DNM1L: variants seen among roughly 807,000 people sequenced by gnomAD.
DNM1L encodes the protein dynamin-1-like protein.
DNM1L carries 33 observed loss-of-function variants against 92.8 expected under a neutral mutation model. The observed-to-expected ratio is 0.36, with a 90% confidence interval of 0.27 to 0.48. The LOEUF (loss-of-function observed/expected upper bound fraction) is 0.48. Among genes scored for constraint, DNM1L ranks in the 20% least tolerant of loss-of-function variants. The probability of loss-of-function intolerance (pLI) is 0.99; values close to 1 mark genes in which losing one functional copy is unlikely to be tolerated. For synonymous variants in DNM1L, 284 were observed against 305.0 expected, an observed-to-expected ratio of 0.93 and a Z score of 0.72; for missense variants, 485 against 888.8, an observed-to-expected ratio of 0.55 and a Z score of 5.78.
chr12:32,731,803 T>TA lies in DNM1L; in HGVS notation c.1357-41dup, dbSNP rs371431671. 0.014 allele frequency: 15,660 copies of TA among 1,099,852 alleles called. No individual in the cohort carries two copies. Among genetic ancestry groups the TA allele is most frequent in the Non-Finnish European group, 0.017 (12,978 of 776,114 alleles). 68.1% of individuals were successfully genotyped at this position (1,099,852 alleles called of 1,614,324 possible). On this transcript the variant is annotated intron_variant, in intron 11 of 19. Transcript: ENST00000549701. This position sits in a 1 kb window ranked among gnomAD's most constrained non-coding sequence, Gnocchi z 5.1. ...AGGATGGCTTAGTGAGACTATGACT[T>TA]AAAAAAAAAACAAAAAACAAACACG...
At chr12:32,713,929 T>A (rs559612498) in intron 6 of DNM1L, among the ~76,000 whole-genome samples, 74 of 152,310 alleles carry the variant, frequency 4.9e-4, no homozygotes, top group African/African-American at 1.7e-3. Context: ...GCACAGGGGA[T>A]TTTTAGAAAT....
At chr12:32,710,384 A>G (rs1285086176) in intron 4 of DNM1L, among the ~76,000 whole-genome samples, 1 of 152,202 alleles carries the variant, frequency 6.6e-6, no homozygotes, top group Non-Finnish European at 1.5e-5. Flanking sequence ...ATTCAGCACT[A>G]AATCTATTAA....
chr12:32,727,340 T>C (rs375466554), intron 9 of DNM1L: 3 of 798,642 alleles, frequency 3.8e-6, no homozygotes, highest in East Asian at 4.8e-5. Flanking sequence ...CTCTTTTAAC[T>C]ACCCTAGCTA....
intron 2 of DNM1L, chr12:32,705,864 G>C: frequency 6.3e-7 from 1 of 1,597,722 alleles, no homozygotes; most frequent in Non-Finnish European, 8.5e-7. Flanking sequence ...CTTTCTAAAG[G>C]TTTCCTTTAT....
chr12:32,710,875 T>C, intron 4 of DNM1L, 54 bp from the exon 5 acceptor site: 1 of 1,360,730 alleles, frequency 7.3e-7, no homozygotes, highest in Non-Finnish European at 1.0e-6. Context: ...TGAAATGAAG[T>C]TTATTACTTC....
At chr12:32,706,772 A>G (rs1237556432) in intron 2 of DNM1L, 1 of 445,800 alleles carries the variant, frequency 2.2e-6, no homozygotes, top group Non-Finnish European at 4.5e-6. Context: ...CTCTATAATA[A>G]TGAGAGAGCT....
intron 9 of DNM1L, chr12:32,722,875 T>TA (rs1292008713): frequency 4.7e-5 from 8 of 171,774 alleles, no homozygotes; most frequent in African/African-American, 1.7e-4. Flanking sequence ...AGTATTTACT[T>TA]ATTTTTATAA....
chr12:32,693,762 C>T (rs12371996), intron 1 of DNM1L, among the ~76,000 whole-genome samples: 21,500 of 151,960 alleles, frequency 0.14, 1,565 homozygotes, highest in Middle Eastern at 0.19. Flanking sequence ...CTAAGCCTCC[C>T]GAGCAGCTGG....
chr12:32,690,103 A>T (rs1952176846), intron 1 of DNM1L, among the ~76,000 whole-genome samples: 1 of 152,232 alleles, frequency 6.6e-6, no homozygotes, highest in Non-Finnish European at 1.5e-5. Context: ...AAGAACCCAG[A>T]CATGGGATGT....
intron 1 of DNM1L, among the ~76,000 whole-genome samples, chr12:32,696,313 T>G (rs1592581165): frequency 6.6e-6 from 1 of 150,890 alleles, no homozygotes; most frequent in Non-Finnish European, 1.5e-5. Flanking sequence ...AAGGTGGGGG[T>G]ATCGCTTGAG....
In DNM1L at chr12:32,740,098, T is replaced by C; in HGVS notation, c.1742T>C (p.Val581Ala). 1 of 1,614,156 alleles carries C rather than the reference T, an allele frequency of 6.2e-7. No individual in the cohort carries two copies. Among genetic ancestry groups the C allele is most frequent in the Non-Finnish European group, 8.5e-7 (1 of 1,180,018 alleles). ...ASGGGGVGDG[V>A]QEPTTGNWRG... ...GGAGGTGGTGGGGTTGGAGATGGTG[T>C]TCAAGAACCAACCACAGGCAACTGG... The change falls in exon 17 of 20, where the codon GTT becomes GCT. Residue 581 changes from valine to alanine, a missense_variant. Physicochemically the swap from Val to Ala is moderately conservative, Grantham distance 64. Transcript: ENST00000549701.
rs183772592 is a variant in DNM1L, at chr12:32,682,639, A to G, written c.102+3174A>G. Among the ~76,000 whole-genome samples, 57 of 152,310 alleles carry G rather than the reference A, an allele frequency of 3.7e-4. 1 individual carries two copies. The highest frequency in any genetic ancestry group is 5.9e-4 in the Admixed American group (9 of 15,288). On this transcript the variant is annotated intron_variant, in intron 1 of 19. Coordinates refer to ENST00000549701, the MANE Select transcript of DNM1L (RefSeq NM_012062.5). ...TTAGGGGAGGTTGAATCTATGGCAT[A>G]CTACCATCCAGTACCATGCTGACTT...
chr12:32,732,702 C>G, intron 12 of DNM1L: 1 of 412,772 alleles, frequency 2.4e-6, no homozygotes, highest in East Asian at 7.1e-5. Context: ...ATTGGACCTT[C>G]ATTTTAATAG....
At chr12:32,698,583 C>A (rs996105993) in intron 1 of DNM1L, among the ~76,000 whole-genome samples, 1 of 152,156 alleles carries the variant, frequency 6.6e-6, no homozygotes, top group African/African-American at 2.4e-5. Flanking sequence ...CTGCTTCCTG[C>A]AGACCCTGTC....
intron 6 of DNM1L, among the ~76,000 whole-genome samples, chr12:32,717,154 G>T (rs1953428478): frequency 8.9e-6 from 1 of 112,972 alleles, no homozygotes; most frequent in Non-Finnish European, 1.7e-5. Flanking sequence ...ATTTGTAACT[G>T]AAATATATAT....
chr12:32,743,440 G>T lies in DNM1L; in HGVS notation c.*30G>T. The T allele has an allele frequency of 6.2e-7, 1 of 1,609,036 alleles. No homozygotes were observed. Among genetic ancestry groups the T allele is most frequent in the South Asian group, 1.1e-5 (1 of 90,894 alleles). On this transcript the variant is annotated 3_prime_UTR_variant, in exon 20 of 20. Transcript: ENST00000549701. ...AACTATGTAATACTGAGACTTTGTT[G>T]ACTCAAAACTTGCTAGTTACTGCCT...
chr12:32,704,068 A>G (rs796942394), intron 2 of DNM1L, among the ~76,000 whole-genome samples: 4 of 152,284 alleles, frequency 2.6e-5, no homozygotes, highest in African/African-American at 9.6e-5. Context: ...GAAATAAATC[A>G]AGCTTTCCTC....
At chr12:32,705,831 C>A (rs1952901269) in intron 2 of DNM1L, 2 of 1,597,836 alleles carry the variant, frequency 1.3e-6, no homozygotes, top group African/African-American at 1.3e-5. Flanking sequence ...ACAGACCCTG[C>A]TACATGGAAA....
At chr12:32,728,518 GTTAA>G (rs1376215446) in intron 9 of DNM1L, 1 of 152,156 alleles carries the variant, frequency 6.6e-6, no homozygotes, top group East Asian at 1.9e-4. Context: ...TTTATAAACA[GTTAA>G]TAAACCAATT....
Sources: allele counts gnomAD v4.1 joint callset (sites outside exome capture counted in the v4.1 genomes callset), GRCh38; gene constraint gnomAD v4.1.1; non-coding constraint Gnocchi (gnomAD v3.1); transcripts MANE v1.5; gene names NCBI Gene and HGNC (gene_info 2026-07-23, HGNC 2026-07-21).